The following MYB variants were observed in gnomAD, a reference collection of about 807,000 sequenced individuals.
MYB encodes transcriptional activator Myb.
A neutral mutation model predicts 92.9 loss-of-function variants in MYB; 28 were observed. The ratio of observed to expected loss-of-function variants is 0.30; its 90% CI spans 0.22 to 0.41. The LOEUF (loss-of-function observed/expected upper bound fraction) is 0.41. MYB is among the 10% of genes least tolerant of loss of function. The pLI is 1.00. For synonymous variants in MYB, 295 were observed against 329.1 expected, an observed-to-expected ratio of 0.90 and a Z score of 1.12; for missense variants, 679 against 929.3, an observed-to-expected ratio of 0.73 and a Z score of 3.50.
chr6:135,196,141 C>T (rs1777267366), intron 9 of MYB, 139 bp downstream of exon 9: 3 of 900,728 alleles, frequency 3.3e-6, no homozygotes, highest in Non-Finnish European at 4.9e-6. Flanking sequence ...TTTTCATCTT[C>T]ATGAATATGT....
At chr6:135,196,211 A>C (rs1777283655) in intron 9 of MYB, among the ~76,000 whole-genome samples, 1 of 152,206 alleles carries the variant, frequency 6.6e-6, no homozygotes. Context: ...ATAAATACTT[A>C]CAAAATAGGA....
chr6:135,186,758 AG>A (rs879403434), intron 2 of MYB, among the ~76,000 whole-genome samples: 6 of 152,332 alleles, frequency 3.9e-5, no homozygotes, highest in Admixed American at 3.9e-4. Context: ...GCTTATCAAA[AG>A]TTTGATTTTG....
chr6:135,218,599 T>C lies in MYB; in HGVS notation c.*619T>C, dbSNP rs1780731121. On this transcript the variant is annotated 3_prime_UTR_variant, in exon 16 of 16. Transcript: ENST00000341911. ...AAAAAATTATATTTTTATTCAGTAA[T>C]TTAATTTTGTAAATGCCAAATGAAA... 5.4e-6 allele frequency: 1 copy of C among 184,090 alleles called. No individual in the cohort carries two copies. The highest frequency in any genetic ancestry group is 8.8e-5 in the East Asian group (1 of 11,328). 11.4% of individuals were successfully genotyped at this position (184,090 alleles called of 1,614,324 possible).
chr6:135,182,993 A>G lies in MYB; in HGVS notation c.23+1457A>G, dbSNP rs1775315188. Among the ~76,000 whole-genome samples the G allele has an allele frequency of 7.2e-6, 1 of 139,130 alleles. No individual in the cohort carries two copies. The highest frequency in any genetic ancestry group is 1.5e-5 in the Non-Finnish European group (1 of 65,206). 91.3% of individuals were successfully genotyped at this position (139,130 alleles called of 152,430 possible). A position where few individuals can be genotyped will look rare whatever the true frequency, so the allele number is the denominator to read the frequency against. On this transcript the variant is annotated intron_variant, in intron 1 of 15. Transcript: ENST00000341911. The surrounding 1 kb of genome is among the most constrained non-coding windows in gnomAD (Gnocchi z 5.6). ...GCCTTTAGGACTTCACAGGACAGCT[A>G]CCGGGGTCATCTGTTTTTTTTTTTT...
chr6:135,185,868 T>C lies in MYB; in HGVS notation c.24-35T>C, dbSNP rs761292356. 1.6e-5 allele frequency: 24 copies of C among 1,534,484 alleles called. 1 individual carries two copies. In the South Asian group the frequency reaches 2.0e-4, roughly 13 times the overall value. Reference sequence around the variant, plus strand: ...TCCAGTAGTAGTCTAAATCCTCTTGTTTCAGCCCACGTCTACCCATTCTTA... The same window carrying C: ...TCCAGTAGTAGTCTAAATCCTCTTGCTTCAGCCCACGTCTACCCATTCTTA... On this transcript the variant is annotated intron_variant, in intron 1 of 15. Coordinates refer to ENST00000341911, the MANE Select transcript of MYB (RefSeq NM_001130173.2).
In MYB at chr6:135,189,895, C is replaced by A; in HGVS notation, c.306+12C>A. 1 of 1,603,898 alleles carries A rather than the reference C, an allele frequency of 6.2e-7. No homozygotes were observed. Among genetic ancestry groups the A allele is most frequent in the South Asian group, 1.1e-5 (1 of 90,524 alleles). On this transcript the variant is annotated intron_variant, in intron 4 of 15. Transcript: ENST00000341911. ...AAGAAGATCAGAGAGTAAGTTCTTTCTTCATTGGTGTGTGACTCATAATTA... is the reference window on the plus strand; with the variant it reads ...AAGAAGATCAGAGAGTAAGTTCTTTATTCATTGGTGTGTGACTCATAATTA...
intron 15 of MYB, chr6:135,204,012 A>G: frequency 1.7e-6 from 1 of 577,624 alleles, no homozygotes; most frequent in Middle Eastern, 7.2e-4. Flanking sequence ...CTGACATTAA[A>G]TAGCCCAATA....
chr6:135,217,854 T>G lies in MYB; in HGVS notation c.2170-10T>G, dbSNP rs375516139. 6.0e-5 allele frequency: 95 copies of G among 1,579,870 alleles called. 1 individual carries two copies. The South Asian group carries it at 9.6e-4, about 16-fold the overall frequency. ...TCTGACGCTCCTGTTGCCATCCCTT[T>G]CTCCATCAGCCTTGTAGCAGTACCT... On this transcript the variant is annotated splice_polypyrimidine_tract_variant and intron_variant, in intron 15 of 15. Coordinates refer to ENST00000341911, the MANE Select transcript of MYB (RefSeq NM_001130173.2).
intron 8 of MYB, chr6:135,195,476 A>G: frequency 2.2e-6 from 1 of 449,792 alleles, no homozygotes. Context: ...TATGATAATT[A>G]TACTTCGAAA....
intron 15 of MYB, 86 bp downstream of exon 15, chr6:135,203,410 T>C: frequency 3.6e-6 from 4 of 1,104,008 alleles, no homozygotes; most frequent in Non-Finnish European, 5.4e-6. Flanking sequence ...GTGGTGATGG[T>C]AGTGCTGGTG....
intron 10 of MYB, among the ~76,000 whole-genome samples, chr6:135,197,724 A>T (rs1375531470): frequency 6.6e-6 from 1 of 152,180 alleles, no homozygotes; most frequent in Non-Finnish European, 1.5e-5. Flanking sequence ...GGAGGAGGGA[A>T]CCAAATTGTG....
At chr6:135,199,191 T>C (rs1469855583) in intron 11 of MYB, 141 bp downstream of exon 11, 5 of 684,408 alleles carry the variant, frequency 7.3e-6, no homozygotes, top group Non-Finnish European at 1.2e-5. Context: ...TATTCCCACA[T>C]TGAATATATC....
chr6:135,216,630 G>A (rs1290365352), intron 15 of MYB, among the ~76,000 whole-genome samples: 1 of 152,188 alleles, frequency 6.6e-6, no homozygotes, highest in African/African-American at 2.4e-5. Context: ...ATCTATGGAT[G>A]TGGAACCCAC....
At chr6:135,188,492 C>CTTTTTTTTTT (rs528623055) in intron 3 of MYB, among the ~76,000 whole-genome samples, 5 of 133,858 alleles carry the variant, frequency 3.7e-5, no homozygotes, top group East Asian at 4.2e-4. Context: ...ATTTTTCTTT[C>CTTTTTTTTTT]TTTTTTTTTT....
rs1321418627 is a variant in MYB at position 135,218,678 on chromosome 6, G to A, written c.*698G>A. On this transcript the variant is annotated 3_prime_UTR_variant, in exon 16 of 16. Coordinates refer to ENST00000341911, the MANE Select transcript of MYB (RefSeq NM_001130173.2). ...TGTAGACATGCTGCTAGTATCAGAGGGGCAGTAGAGCTTGGACAGAAAGAA... is the reference window on the plus strand; with the variant it reads ...TGTAGACATGCTGCTAGTATCAGAGAGGCAGTAGAGCTTGGACAGAAAGAA... 1 of 192,314 alleles carries A rather than the reference G, an allele frequency of 5.2e-6. No homozygotes were observed. The highest frequency in any genetic ancestry group is 1.1e-5 in the Non-Finnish European group (1 of 91,784). 11.9% of individuals were successfully genotyped at this position (192,314 alleles called of 1,614,324 possible).
intron 2 of MYB, among the ~76,000 whole-genome samples, chr6:135,187,601 A>G (rs1383972191): frequency 6.6e-6 from 1 of 152,218 alleles, no homozygotes; most frequent in African/African-American, 2.4e-5. Context: ...TAAGGCCCAG[A>G]AAGGTAAAAT....
intron 14 of MYB, 48 bp from the exon 15 acceptor site, chr6:135,203,169 C>T: frequency 7.4e-7 from 1 of 1,353,574 alleles, no homozygotes. Context: ...ATGTGGCTCT[C>T]ATATTATCCA....
rs761459969 is a variant in MYB at position 135,217,903 on chromosome 6, A to G, written c.2209A>G (p.Met737Val). 1.2e-6 allele frequency: 2 copies of G among 1,613,412 alleles called. No individual in the cohort carries two copies. Among genetic ancestry groups the G allele is most frequent in the South Asian group, 2.2e-5 (2 of 90,994 alleles). ...CTGGGAACCTGCATCCTGTGGAAAG[A>G]TGGAGGAGCAGATGACATCTTCCAG... ...STWEPASCGK[M>V]EEQMTSSSQA... is the part of the protein sequence containing the mutation. Residue 737 changes from methionine (M) to valine (V), a missense_variant, in exon 16 of 16, where the codon ATG (methionine) becomes GTG (valine). This residue lies in a region of MYB where 402 missense variants were observed against 434.2 expected (regional missense o/e 0.93). Transcript: ENST00000341911.
In MYB at chr6:135,201,574, C is replaced by A. The variant is rs1014998684; in HGVS notation, c.1951-65C>A. The A allele has an allele frequency of 5.5e-6, 6 of 1,084,780 alleles. No homozygotes were observed. The East Asian group carries it at 1.6e-4, about 28-fold the overall frequency. 67.2% of individuals were successfully genotyped at this position (1,084,780 alleles called of 1,614,324 possible). On this transcript the variant is annotated intron_variant, in intron 13 of 15. Coordinates refer to ENST00000341911, the MANE Select transcript of MYB (RefSeq NM_001130173.2). The stretch of plus-strand genomic sequence containing the variant: ...ATTTGAGGGACTGGCCAGAAATATA[C>A]TCCTGACTGTACATGTTTCATAGGA...
Sources: allele counts gnomAD v4.1 joint callset (sites outside exome capture counted in the v4.1 genomes callset), GRCh38; gene constraint gnomAD v4.1.1; regional missense constraint gnomAD v4.1.1; non-coding constraint Gnocchi (gnomAD v3.1); transcripts MANE v1.5; gene names NCBI Gene and HGNC (gene_info 2026-07-23, HGNC 2026-07-21).